PRDM16: variants seen among roughly 807,000 people sequenced by gnomAD.
The protein encoded by PRDM16 is histone-lysine N-methyltransferase PRDM16.
In PRDM16, 23 loss-of-function variants were observed where a neutral mutation model predicts 110.6. The ratio of observed to expected loss-of-function variants is 0.21; its 90% CI spans 0.15 to 0.29. PRDM16 has a LOEUF of 0.29. Ranked by LOEUF, PRDM16 falls within the 10% of genes least tolerant of loss-of-function variation. PRDM16 has a pLI of 1.00. For synonymous variants in PRDM16, 799 were observed against 781.8 expected (o/e 1.02, Z -0.37); for missense variants, 1,615 against 1,794.3 (o/e 0.90, Z 1.81).
At chr1:3,403,035 G>T (rs528103713) in intron 6 of PRDM16, 37 bp downstream of exon 6, 1 of 1,249,812 alleles carries the variant, frequency 8.0e-7, no homozygotes, top group Non-Finnish European at 1.1e-6. Context: ...TCCCCTTCCC[G>T]TACCCTCCTC....
intron 3 of PRDM16, among the ~76,000 whole-genome samples, chr1:3,344,847 T>A (rs1445664729): frequency 6.6e-6 from 1 of 152,240 alleles, no homozygotes; most frequent in Admixed American, 6.5e-5. Flanking sequence ...ATCATCAAGC[T>A]CTTCTAAGTT....
chr1:3,377,363 C>T (rs544171438), intron 3 of PRDM16, among the ~76,000 whole-genome samples: 15 of 152,320 alleles, frequency 9.8e-5, no homozygotes, highest in African/African-American at 2.6e-4. Flanking sequence ...CCCACCTGCA[C>T]GCACACCCTG....
Position 3,425,981 on chromosome 1 carries a change from C to T in PRDM16, c.3110-70C>T, listed in dbSNP as rs114699964. 116 of 1,521,428 alleles carry T rather than the reference C, an allele frequency of 7.6e-5. No homozygotes were observed. The highest frequency in any genetic ancestry group is 7.4e-4 in the African/African-American group (54 of 72,516). 94.2% of individuals were successfully genotyped at this position (1,521,428 alleles called of 1,614,324 possible). On this transcript the variant is annotated intron_variant, in intron 13 of 16. Transcript: ENST00000270722. The surrounding 1 kb of genome is among the most constrained non-coding windows in gnomAD (Gnocchi z 6.9). ...CAGCACCCCAGGTGTACCCCGTTCG[C>T]GGTTGGTTTGCCCCACGGAGGGAGG...
chr1:3,269,292 A>G (rs529834617), intron 3 of PRDM16, among the ~76,000 whole-genome samples: 1 of 151,716 alleles, frequency 6.6e-6, no homozygotes, highest in African/African-American at 2.4e-5. Flanking sequence ...AGCGCAGCCC[A>G]GAGTAGGACA....
chr1:3,405,251 C>T (rs767749632), intron 7 of PRDM16, among the ~76,000 whole-genome samples: 31 of 152,242 alleles, frequency 2.0e-4, no homozygotes, highest in Non-Finnish European at 3.5e-4. Flanking sequence ...AGCCCTGTCT[C>T]ACGCAGCCTC....
At chr1:3,197,091 C>T (rs1001378595) in intron 2 of PRDM16, among the ~76,000 whole-genome samples, 1 of 152,190 alleles carries the variant, frequency 6.6e-6, no homozygotes, top group African/African-American at 2.4e-5. Flanking sequence ...GCCACGCGCC[C>T]CCGGGCATGG....
chr1:3,299,024 C>T (rs561874230), intron 3 of PRDM16, among the ~76,000 whole-genome samples: 2 of 152,338 alleles, frequency 1.3e-5, no homozygotes, highest in South Asian at 2.1e-4. Context: ...ATTTTGTCCT[C>T]GGACCAGCAC....
chr1:3,243,112 C>T lies in PRDM16; in HGVS notation c.388-975C>T, dbSNP rs1200315649. Among the ~76,000 whole-genome samples, 1 of 152,176 alleles carries T rather than the reference C, an allele frequency of 6.6e-6. No individual in the cohort carries two copies. The highest frequency in any genetic ancestry group is 1.5e-5 in the Non-Finnish European group (1 of 68,032). ...GAGCGACCTGGGAGGAAGAACGAGC[C>T]GACTGCTGGCCCACTCCAGCCTCCC... On this transcript the variant is annotated intron_variant, in intron 2 of 16. Coordinates refer to ENST00000270722, the MANE Select transcript of PRDM16 (RefSeq NM_022114.4). This position sits in a 1 kb window ranked among gnomAD's most constrained non-coding sequence, Gnocchi z 5.5.
intron 3 of PRDM16, among the ~76,000 whole-genome samples, chr1:3,324,727 T>C (rs57631188): frequency 0.077 from 11,108 of 143,334 alleles, 624 homozygotes; most frequent in East Asian, 0.3. Context: ...TCCCCCCTGA[T>C]TCCGTCGTCA....
At chr1:3,195,337 G>C (rs560693334) in intron 2 of PRDM16, among the ~76,000 whole-genome samples, 1 of 152,104 alleles carries the variant, frequency 6.6e-6, no homozygotes, top group Non-Finnish European at 1.5e-5. Flanking sequence ...GGCCCGGCTC[G>C]GAGGCACGGG....
intron 3 of PRDM16, among the ~76,000 whole-genome samples, chr1:3,249,656 A>C (rs916229934): frequency 2.0e-5 from 3 of 152,226 alleles, no homozygotes; most frequent in Admixed American, 6.5e-5. Context: ...AAGTGTGTTT[A>C]GCTGCCCCGG....
intron 1 of PRDM16, among the ~76,000 whole-genome samples, chr1:3,078,694 G>A (rs1159947426): frequency 1.3e-5 from 2 of 152,216 alleles, no homozygotes; most frequent in Non-Finnish European, 2.9e-5. Context: ...CACTGCCAAC[G>A]TTTTAGCGGA....
chr1:3,110,938 A>G (rs984167188), intron 1 of PRDM16, among the ~76,000 whole-genome samples: 1 of 152,182 alleles, frequency 6.6e-6, no homozygotes, highest in Non-Finnish European at 1.5e-5. Flanking sequence ...TCTAAATCGA[A>G]GGAGGCCAGA....
At chr1:3,128,379 C>T (rs986930836) in intron 1 of PRDM16, among the ~76,000 whole-genome samples, 4 of 152,168 alleles carry the variant, frequency 2.6e-5, no homozygotes, top group Non-Finnish European at 4.4e-5. Context: ...TTATAGTATT[C>T]GGGGGTTGCT....
At chr1:3,284,185 A>G (rs912432610) in intron 3 of PRDM16, among the ~76,000 whole-genome samples, 1 of 152,228 alleles carries the variant, frequency 6.6e-6, no homozygotes, top group Non-Finnish European at 1.5e-5. Context: ...ACATCTCGCC[A>G]AAGCACACCG....
chr1:3,115,042 C>T (rs145111287), intron 1 of PRDM16, among the ~76,000 whole-genome samples: 38 of 152,382 alleles, frequency 2.5e-4, no homozygotes, highest in African/African-American at 8.7e-4. Flanking sequence ...CAGAGTGACA[C>T]ATTTGGTTTT....
intron 3 of PRDM16, among the ~76,000 whole-genome samples, chr1:3,356,130 A>C (rs2100548383): frequency 6.6e-6 from 1 of 152,308 alleles, no homozygotes; most frequent in East Asian, 1.9e-4. Flanking sequence ...GACTCCCACG[A>C]GGGCGTTAGC....
In PRDM16 at chr1:3,412,334, GAGA is replaced by G. The variant is rs1208012992; in HGVS notation, c.2143_2145del (p.Lys715del). 4 of 1,613,704 alleles carry G rather than the reference GAGA, an allele frequency of 2.5e-6. No homozygotes were observed. The highest frequency in any genetic ancestry group is 2.7e-5 in the African/African-American group (2 of 74,936). ...TGGCCCCGGCTTCATGGGGATGCAG[GAGA>G]AGAAGCTGGGCTCGCTCCCCTACCA... is the stretch of plus-strand genomic sequence containing the variant. On this transcript the variant is annotated inframe_deletion, in exon 9 of 17. Coordinates refer to ENST00000270722, the MANE Select transcript of PRDM16 (RefSeq NM_022114.4).
chr1:3,131,410 C>T (rs1317591194), intron 1 of PRDM16, among the ~76,000 whole-genome samples: 2 of 152,070 alleles, frequency 1.3e-5, no homozygotes, highest in African/African-American at 4.8e-5. Flanking sequence ...GGCGGCTGTC[C>T]ATTTCTCAAG....
Sources: gnomAD v4.1 joint callset for allele counts (sites outside exome capture counted in the v4.1 genomes callset) on GRCh38, gnomAD v4.1.1 for gene constraint, Gnocchi (gnomAD v3.1) non-coding constraint, MANE v1.5 for transcripts, NCBI Gene and HGNC (gene_info 2026-07-23, HGNC 2026-07-21) for gene names.